Variants in DNAH5 observed in about 807,000 individuals in gnomAD.
The protein encoded by DNAH5 is axonemal beta dynein heavy chain 5.
DNAH5 carries 372 observed loss-of-function variants against 518.2 expected under a neutral mutation model. The ratio of observed to expected loss-of-function variants is 0.72; its 90% CI spans 0.66 to 0.78. DNAH5 has a LOEUF of 0.78. Among genes scored for constraint, DNAH5 ranks in the 30% least tolerant of loss-of-function variants. The pLI is 0.00. For missense variants in DNAH5, 5,523 were observed against 5,687.0 expected, an observed-to-expected ratio of 0.97 and a Z score of 0.93; for synonymous variants, 2,039 against 2,025.9, an observed-to-expected ratio of 1.01 and a Z score of -0.17.
In DNAH5 at chr5:13,707,930, C is replaced by T. The variant is rs191204146; in HGVS notation, c.13338+193G>A. 1.3e-5 allele frequency among the ~76,000 whole-genome samples: 2 copies of T among 152,222 alleles called. No individual in the cohort carries two copies. Among genetic ancestry groups the T allele is most frequent in the East Asian group, 3.9e-4 (2 of 5,180 alleles). The stretch of plus-strand genomic sequence containing the variant: ...CGCATGTAAATGCCCTAGCAGAGAA[C>T]CTGATTCGTGGGATTTGCTAAAAAA... On this transcript the variant is annotated intron_variant, in intron 76 of 78. Transcript: ENST00000265104. This position sits in a 1 kb window ranked among gnomAD's most constrained non-coding sequence, Gnocchi z 4.0.
intron 29 of DNAH5, chr5:13,860,584 A>T (rs1166654306): frequency 2.0e-5 from 3 of 152,218 alleles, no homozygotes; most frequent in Non-Finnish European, 4.4e-5. Context: ...TGTAATGGGT[A>T]GTATGGGGAA....
chr5:13,946,719 T>C (rs1779954549), upstream of DNAH5, among the ~76,000 whole-genome samples: 1 of 152,150 alleles, frequency 6.6e-6, no homozygotes, highest in African/African-American at 2.4e-5. Context: ...CATACACAAA[T>C]CCTGTCAGAC....
In DNAH5 at chr5:13,901,296, G is replaced by A. The variant is rs1774579923; in HGVS notation, c.2008C>T (p.Leu670Phe). ...TGGAAGAGGACCTCAAACTCCAGGA[G>A]GACCTTGGCCATCCTGTTGTAACTG... ...IRSYNRMAKV[L>F]LEFEVLFHRA... Residue 670 changes from leucine (L) to phenylalanine (F), a missense_variant, in exon 14 of 79, where the codon CTC becomes TTC. By Grantham distance (22) the Leu-to-Phe change is conservative. Coordinates refer to ENST00000265104, the MANE Select transcript of DNAH5 (RefSeq NM_001369.3). The A allele has an allele frequency of 6.2e-7, 1 of 1,614,132 alleles. No individual in the cohort carries two copies. Among genetic ancestry groups the A allele is most frequent in the African/African-American group, 1.3e-5 (1 of 75,048 alleles).
At chr5:13,916,311 A>AATCG (rs1776637014) in intron 9 of DNAH5, 37 bp downstream of exon 9, 1 of 1,174,588 alleles carries the variant, frequency 8.5e-7, no homozygotes, top group East Asian at 2.4e-5. Flanking sequence ...CTGGCAAAGA[A>AATCG]ATACAAATGA....
At chr5:13,935,302 G>C (rs1402000129) in intron 1 of DNAH5, among the ~76,000 whole-genome samples, 1 of 151,732 alleles carries the variant, frequency 6.6e-6, no homozygotes, top group Non-Finnish European at 1.5e-5. Context: ...TGATTCCAGA[G>C]AAAAAAACAT....
At chr5:13,945,603 A>AT (rs373791775), upstream of DNAH5, among the ~76,000 whole-genome samples, 1,566 of 150,192 alleles carry the variant, frequency 0.01, 25 homozygotes, top group African/African-American at 0.033. Flanking sequence ...TGTTTGCAGG[A>AT]TTTTTTTTTT....
At chr5:13,877,631 G>A (rs576762988) in intron 21 of DNAH5, among the ~76,000 whole-genome samples, 2 of 152,292 alleles carry the variant, frequency 1.3e-5, no homozygotes, top group South Asian at 4.2e-4. Flanking sequence ...CCGCATCAAA[G>A]GGCAGGAAAA....
Position 13,735,224 on chromosome 5 carries a change from C to A in DNAH5, c.11668G>T (p.Glu3890Ter). The A allele has an allele frequency of 6.2e-7, 1 of 1,614,062 alleles. No individual in the cohort carries two copies. Among genetic ancestry groups the A allele is most frequent in the Non-Finnish European group, 8.5e-7 (1 of 1,179,984 alleles). Reference protein sequence around the residue: ...YKYAARGLYEEHKFLFTLLLT... With the variant: ...YKYAARGLYE ...AACAAGGTGAACAGGAATTTGTGCT[C>A]CTCGTACAGCCCTCGGGCAGCATAC... Residue 3890 changes from glutamate (E) to a stop codon, truncating the protein, a stop_gained, in exon 68 of 79, where the codon GAG becomes TAG. Coordinates refer to ENST00000265104, the MANE Select transcript of DNAH5 (RefSeq NM_001369.3). LOFTEE classifies it high-confidence loss of function.
Position 13,810,111 on chromosome 5 carries a change from C to A in DNAH5, c.7557G>T (p.Pro2519=). ...RSRPTGTLEL[P]PPAGPGDTAF... The stretch of plus-strand genomic sequence containing the variant: ...CGGTGTCCCCGGGCCCCGCTGGCGG[C>A]GGCAGCTCCAGCGTCCCTGTGGGCC... Residue 2519 remains proline, a synonymous_variant, in exon 45 of 79, where the codon CCG becomes CCT. Transcript: ENST00000265104. The A allele has an allele frequency of 6.4e-7, 1 of 1,551,116 alleles. No homozygotes were observed. Among genetic ancestry groups the A allele is most frequent in the African/African-American group, 1.4e-5 (1 of 73,276 alleles).
intron 18 of DNAH5, 133 bp from the exon 19 acceptor site, chr5:13,885,361 C>A (rs1462291633): frequency 2.7e-6 from 3 of 1,123,050 alleles, no homozygotes; most frequent in Non-Finnish European, 3.9e-6. Context: ...TTTAGTATCA[C>A]TTAAACATCA....
chr5:13,937,955 AGGTTTCCGTTTCTAT>A (rs1286750527), intron 1 of DNAH5, among the ~76,000 whole-genome samples: 1 of 152,150 alleles, frequency 6.6e-6, no homozygotes, highest in Non-Finnish European at 1.5e-5. Flanking sequence ...TCCCCATCCA[AGGTTTCCGTTTCTAT>A]GGTTTCCATT....
intron 26 of DNAH5, 74 bp downstream of exon 26, chr5:13,866,146 G>T (rs1385466768): frequency 1.4e-6 from 2 of 1,416,854 alleles, no homozygotes; most frequent in African/African-American, 1.4e-5. Flanking sequence ...ATCTTACAAA[G>T]AAGAAAACAT....
intron 1 of DNAH5, among the ~76,000 whole-genome samples, chr5:13,974,139 T>C (rs1782066104): frequency 7.4e-6 from 1 of 135,046 alleles, no homozygotes; most frequent in Non-Finnish European, 1.6e-5. Flanking sequence ...TTTTCTTTTC[T>C]TTTCTTTTTT....
rs747750664 is a variant in DNAH5 at position 13,928,122 on chromosome 5, G to A, written c.249C>T (p.Tyr83=). 8 of 1,613,914 alleles carry A rather than the reference G, an allele frequency of 5.0e-6. No homozygotes were observed. In the East Asian group the frequency reaches 1.8e-4, roughly 36 times the overall value. Residue 83 remains tyrosine, a synonymous_variant, in exon 3 of 79, where the codon TAC becomes TAT. Transcript: ENST00000265104. ...TTTCTGCTTCCTCCACATCTTGATAGTAAAACATGAGGTGTCGGAGACCTC... is the reference window on the plus strand; with the variant it reads ...TTTCTGCTTCCTCCACATCTTGATAATAAAACATGAGGTGTCGGAGACCTC... ...AVGGLRHLMF[Y]YQDVEEAETG...
At chr5:13,745,453 G>C (rs1471083631) in intron 65 of DNAH5, among the ~76,000 whole-genome samples, 1 of 151,994 alleles carries the variant, frequency 6.6e-6, no homozygotes, top group African/African-American at 2.4e-5. Context: ...GCATCCATAC[G>C]CTCTAAGGTT....
chr5:13,795,577 A>C (rs1285063074), intron 47 of DNAH5, among the ~76,000 whole-genome samples: 1 of 152,218 alleles, frequency 6.6e-6, no homozygotes, highest in Admixed American at 6.5e-5. Context: ...CAACCAAAAA[A>C]AGTCCAGGAC....
intron 1 of DNAH5, among the ~76,000 whole-genome samples, chr5:13,943,669 C>G (rs957321087): frequency 3.3e-5 from 5 of 152,082 alleles, no homozygotes; most frequent in African/African-American, 1.2e-4. Context: ...GAGGTAGATG[C>G]CTGCTCTTTT....
At chr5:13,964,010 A>G (rs1781366977) in intron 1 of DNAH5, among the ~76,000 whole-genome samples, 1 of 152,176 alleles carries the variant, frequency 6.6e-6, no homozygotes, top group Non-Finnish European at 1.5e-5. Flanking sequence ...AAACAAGTCT[A>G]CAGTAATTTT....
At chr5:13,875,751 T>A (rs1340292034) in intron 22 of DNAH5, among the ~76,000 whole-genome samples, 1 of 152,124 alleles carries the variant, frequency 6.6e-6, no homozygotes, top group East Asian at 1.9e-4. Context: ...CTGAATACTG[T>A]CTCTAGGGGA....
Sources: allele counts gnomAD v4.1 joint callset (sites outside exome capture counted in the v4.1 genomes callset), GRCh38; gene constraint gnomAD v4.1.1; non-coding constraint Gnocchi (gnomAD v3.1); transcripts MANE v1.5; gene names NCBI Gene and HGNC (gene_info 2026-07-23, HGNC 2026-07-21).